Variants in SH2D4B observed in about 807,000 individuals in gnomAD.
SH2D4B encodes SH2 domain-containing protein 4B.
In SH2D4B, 45 loss-of-function variants were observed where a neutral mutation model predicts 61.5. The ratio of observed to expected loss-of-function variants is 0.73; its 90% CI spans 0.58 to 0.94. The LOEUF (loss-of-function observed/expected upper bound fraction) is 0.94, where lower values mean the gene tolerates loss of function less well. Among genes scored for constraint, SH2D4B ranks in the 40% least tolerant of loss-of-function variants. SH2D4B has a pLI of 0.00. For synonymous variants in SH2D4B, 224 were observed against 220.4 expected (o/e 1.02, Z -0.14); for missense variants, 572 against 574.2 (o/e 1.00, Z 0.04).
At chr10:80,587,742 CCTGT>C (rs1842277331) in intron 3 of SH2D4B, among the ~76,000 whole-genome samples, 2 of 152,142 alleles carry the variant, frequency 1.3e-5, no homozygotes, top group Admixed American at 1.3e-4. Context: ...TCCCCGTCTC[CCTGT>C]CTCCCACTTG....
rs141163608 is a variant in SH2D4B at position 80,563,702 on chromosome 10, C to T, written c.185-6452C>T. ...AAATATTGATAGATATAACCCACAA[C>T]AACAGAAGCTCTTTGTGATACTCAG... On this transcript the variant is annotated intron_variant, in intron 1 of 7. Transcript: ENST00000646907. Among the ~76,000 whole-genome samples the T allele has an allele frequency of 1.3e-4, 20 of 152,258 alleles. No individual in the cohort carries two copies. In the East Asian group the frequency reaches 3.1e-3, roughly 23 times the overall value.
At chr10:80,635,124 C>T (rs965737088) in intron 7 of SH2D4B, among the ~76,000 whole-genome samples, 13 of 152,162 alleles carry the variant, frequency 8.5e-5, no homozygotes, top group Admixed American at 2.6e-4. Flanking sequence ...TACAGAGCAG[C>T]GCTTTGTGAC....
intron 6 of SH2D4B, among the ~76,000 whole-genome samples, chr10:80,614,461 A>C (rs894444166): frequency 2.6e-5 from 4 of 152,248 alleles, no homozygotes; most frequent in African/African-American, 7.2e-5. Context: ...ACCAGGCCCT[A>C]CTTCCAACAC....
At chr10:80,545,452 C>T (rs1287182937) in intron 1 of SH2D4B, among the ~76,000 whole-genome samples, 1 of 151,732 alleles carries the variant, frequency 6.6e-6, no homozygotes, top group East Asian at 1.9e-4. Flanking sequence ...TCCTCCTCTC[C>T]CTTTTCTTCT....
chr10:80,547,000 T>C (rs972797577), intron 1 of SH2D4B, among the ~76,000 whole-genome samples: 1 of 152,264 alleles, frequency 6.6e-6, no homozygotes, highest in Non-Finnish European at 1.5e-5. Context: ...TGATTTTGTT[T>C]ACATTATGTA....
At chr10:80,627,096 G>A (rs1564529126) in intron 6 of SH2D4B, among the ~76,000 whole-genome samples, 1 of 152,076 alleles carries the variant, frequency 6.6e-6, no homozygotes, top group African/African-American at 2.4e-5. Context: ...TGAGTGTGTC[G>A]TTTAACCTCT....
intron 4 of SH2D4B, among the ~76,000 whole-genome samples, chr10:80,593,101 T>A (rs572652765): frequency 6.6e-6 from 1 of 152,350 alleles, no homozygotes; most frequent in East Asian, 1.9e-4. Context: ...TTACTGTAGC[T>A]TTCTTGTACA....
chr10:80,645,337 G>C lies in SH2D4B; in HGVS notation c.*1252G>C, dbSNP rs966937774. ...CCACCAGCACTATAACCAGTTTTGC[G>C]TGGGTTCTGCTCTTCCTCCCTATGT... On this transcript the variant is annotated 3_prime_UTR_variant, in exon 8 of 8. Transcript: ENST00000646907. 1 of 152,188 alleles carries C rather than the reference G, an allele frequency of 6.6e-6. No individual in the cohort carries two copies. Among genetic ancestry groups the C allele is most frequent in the African/African-American group, 2.4e-5 (1 of 41,440 alleles). 9.4% of individuals were successfully genotyped at this position (152,188 alleles called of 1,614,324 possible). A position where few individuals can be genotyped will look rare whatever the true frequency, so the allele number is the denominator to read the frequency against.
chr10:80,625,576 TTTTTTTC>T (rs1842760327), intron 6 of SH2D4B, among the ~76,000 whole-genome samples: 1 of 148,078 alleles, frequency 6.8e-6, no homozygotes, highest in Non-Finnish European at 1.5e-5. Context: ...TCTTTTTCTT[TTTTTTTC>T]TTTTTTTGAG....
intron 3 of SH2D4B, among the ~76,000 whole-genome samples, chr10:80,580,128 C>T (rs759420686): frequency 1.3e-5 from 2 of 152,150 alleles, no homozygotes; most frequent in Non-Finnish European, 2.9e-5. Context: ...AATGAGGATG[C>T]CTTTGTCACC....
At chr10:80,577,095 C>T (rs11814516) in intron 3 of SH2D4B, among the ~76,000 whole-genome samples, 2 of 152,134 alleles carry the variant, frequency 1.3e-5, no homozygotes, top group South Asian at 2.1e-4. Context: ...AAGACTATAA[C>T]GGAGCTGAAG....
chr10:80,633,129 C>T (rs545907315), intron 6 of SH2D4B, among the ~76,000 whole-genome samples: 116 of 151,686 alleles, frequency 7.6e-4, no homozygotes, highest in Non-Finnish European at 1.0e-3. Context: ...GCGGCTCGCT[C>T]GGGAGTGGCT....
At chr10:80,609,642 A>G (rs770280071) in intron 6 of SH2D4B, 91 bp downstream of exon 6, 183 of 1,575,918 alleles carry the variant, frequency 1.2e-4, no homozygotes, top group Non-Finnish European at 1.2e-4. Context: ...GACAGTTATA[A>G]TCAGGGGGCA....
Position 80,634,311 on chromosome 10 carries a change from G to A in SH2D4B, c.1015G>A (p.Ala339Thr), listed in dbSNP as rs113152620. Residue 339 changes from alanine to threonine, a missense_variant, in exon 7 of 8, where the codon GCT (alanine) becomes ACT (threonine). Coordinates refer to ENST00000646907, the MANE Select transcript of SH2D4B (RefSeq NM_001388272.1). ...AATTATTAGCCGAGAAGATGCAGAA[G>A]CTCTCCTGGAGAACATGACTGAGGG... ...HGIISREDAE[A>T]LLENMTEGAF... 30 of 1,515,614 alleles carry A rather than the reference G, an allele frequency of 2.0e-5. No individual in the cohort carries two copies. In the African/African-American group the frequency reaches 2.2e-4, roughly 11 times the overall value. The allele number at this position is 1,515,614 out of a possible 1,614,324, so 93.9% of individuals were successfully genotyped here.
chr10:80,543,007 TC>T (rs1841603621), intron 1 of SH2D4B, among the ~76,000 whole-genome samples: 1 of 152,148 alleles, frequency 6.6e-6, no homozygotes, highest in African/African-American at 2.4e-5. Context: ...CAGGATGTGC[TC>T]CCAGATGCAG....
At chr10:80,581,278 G>A (rs1437431345) in intron 3 of SH2D4B, among the ~76,000 whole-genome samples, 1 of 152,114 alleles carries the variant, frequency 6.6e-6, no homozygotes, top group Non-Finnish European at 1.5e-5. Context: ...ACATTGCATT[G>A]TAATCTGAGG....
chr10:80,609,150 C>T (rs1842559789), intron 5 of SH2D4B, among the ~76,000 whole-genome samples: 1 of 152,160 alleles, frequency 6.6e-6, no homozygotes, highest in African/African-American at 2.4e-5. Context: ...TAACAGTTTT[C>T]TTTTAAATAA....
intron 6 of SH2D4B, among the ~76,000 whole-genome samples, chr10:80,613,694 GGGA>G (rs1389383291): frequency 6.6e-6 from 1 of 152,184 alleles, no homozygotes; most frequent in Non-Finnish European, 1.5e-5. Context: ...GACCCCACCT[GGGA>G]GGAGGATACT....
rs570357466 is a variant in SH2D4B, at chr10:80,621,100, G to A, written c.988+11549G>A. On this transcript the variant is annotated intron_variant, in intron 6 of 7. Coordinates refer to ENST00000646907, the MANE Select transcript of SH2D4B (RefSeq NM_001388272.1). The stretch of plus-strand genomic sequence containing the variant: ...TTTATTCAGTTGTCAACGTTTTTAA[G>A]AGATTAATGGTCTATGTCCATGTAA... 2.0e-5 allele frequency among the ~76,000 whole-genome samples: 3 copies of A among 152,314 alleles called. No homozygotes were observed. In the South Asian group the frequency reaches 6.2e-4, roughly 32 times the overall value.
Sources: allele counts gnomAD v4.1 joint callset (sites outside exome capture counted in the v4.1 genomes callset), GRCh38; gene constraint gnomAD v4.1.1; transcripts MANE v1.5; gene names NCBI Gene and HGNC (gene_info 2026-07-23, HGNC 2026-07-21).